Variants in CSMD1 observed in about 807,000 individuals in gnomAD.
CSMD1 encodes the protein CUB and Sushi multiple domains 1.
In CSMD1, 213 loss-of-function variants were observed where a neutral mutation model predicts 417.5. The ratio of observed to expected loss-of-function variants is 0.51; its 90% confidence interval spans 0.46 to 0.57. CSMD1 has a LOEUF of 0.57. Among genes scored for constraint, CSMD1 ranks in the 20% least tolerant of loss-of-function variants. The pLI, the probability that CSMD1 is intolerant of heterozygous loss-of-function variation, is 0.00. For missense variants in CSMD1, 6,923 were observed against 4,529.7 expected (o/e 1.53, Z -15.17); for synonymous variants, 2,862 against 1,736.8 (o/e 1.65, Z -16.11).
intron 7 of CSMD1, among the ~76,000 whole-genome samples, chr8:3,665,550 G>T (rs544286128): frequency 1.3e-5 from 2 of 152,116 alleles, no homozygotes; most frequent in East Asian, 1.9e-4. Flanking sequence ...TATTTGTCAG[G>T]AAAATAATTA....
rs372737131 is a variant in CSMD1 at position 4,114,009 on chromosome 8, C to T, written c.416-81910G>A. Among the ~76,000 whole-genome samples, 26 of 152,298 alleles carry T rather than the reference C, an allele frequency of 1.7e-4. No homozygotes were observed. The East Asian group carries it at 1.9e-3, about 11-fold the overall frequency. The stretch of plus-strand genomic sequence containing the variant: ...AAATGTCAATGTAGAAGCTGCAGCA[C>T]GTTCTCCAGAACATCTAAGATCATT... On this transcript the variant is annotated intron_variant, in intron 3 of 69. Transcript: ENST00000635120.
intron 26 of CSMD1, among the ~76,000 whole-genome samples, chr8:3,270,082 C>T (rs1439150178): frequency 7.7e-6 from 1 of 129,196 alleles, no homozygotes; most frequent in Non-Finnish European, 1.6e-5. Flanking sequence ...TGGAGTCTTG[C>T]TCTGTTGCCC....
chr8:4,559,502 G>A (rs745573134), intron 2 of CSMD1, among the ~76,000 whole-genome samples: 7 of 152,166 alleles, frequency 4.6e-5, no homozygotes, highest in Non-Finnish European at 1.0e-4. Flanking sequence ...CTTTAGAAAG[G>A]TGAGAGACGA....
intron 1 of CSMD1, among the ~76,000 whole-genome samples, chr8:4,865,891 G>T (rs185136734): frequency 1.3e-5 from 2 of 151,784 alleles, no homozygotes; most frequent in East Asian, 3.9e-4. Flanking sequence ...TTAATCATAG[G>T]TTTGAAAGAA....
chr8:4,642,203 G>C (rs775297171), intron 1 of CSMD1, among the ~76,000 whole-genome samples: 10 of 152,218 alleles, frequency 6.6e-5, no homozygotes, highest in Non-Finnish European at 1.3e-4. Context: ...CCATGGAGTT[G>C]ATGGTTGGTT....
intron 3 of CSMD1, among the ~76,000 whole-genome samples, chr8:4,161,835 A>C (rs969533565): frequency 6.6e-6 from 1 of 152,146 alleles, no homozygotes; most frequent in African/African-American, 2.4e-5. Context: ...ATGATATGTC[A>C]CTGCATTTTT....
chr8:3,418,149 G>T (rs537582440), intron 12 of CSMD1, among the ~76,000 whole-genome samples: 3 of 152,306 alleles, frequency 2.0e-5, no homozygotes, highest in South Asian at 4.1e-4. Flanking sequence ...AGAATGAGAT[G>T]ATTCCAAAGG....
At chr8:3,925,132 C>G (rs1217317269) in intron 5 of CSMD1, among the ~76,000 whole-genome samples, 1 of 152,150 alleles carries the variant, frequency 6.6e-6, no homozygotes, top group Non-Finnish European at 1.5e-5. Flanking sequence ...TGAGGCAGAG[C>G]CACCCAGCTA....
At chr8:3,186,554 A>C (rs555436805) in intron 36 of CSMD1, among the ~76,000 whole-genome samples, 21 of 152,318 alleles carry the variant, frequency 1.4e-4, no homozygotes, top group African/African-American at 5.1e-4. Flanking sequence ...AACCATTTGA[A>C]GTGATAAAAT....
At chr8:3,707,759 A>G (rs1430414259) in intron 7 of CSMD1, among the ~76,000 whole-genome samples, 1 of 152,220 alleles carries the variant, frequency 6.6e-6, no homozygotes, top group Non-Finnish European at 1.5e-5. Flanking sequence ...CCCTTCTGGC[A>G]GAGAAGCACC....
chr8:3,533,849 T>C (rs1262662537), intron 10 of CSMD1, among the ~76,000 whole-genome samples: 1 of 152,184 alleles, frequency 6.6e-6, no homozygotes, highest in African/African-American at 2.4e-5. Context: ...CAGTTAGAGA[T>C]CTTAGTCTGT....
intron 5 of CSMD1, among the ~76,000 whole-genome samples, chr8:3,781,558 C>T (rs776427943): frequency 1.8e-4 from 27 of 152,134 alleles, no homozygotes; most frequent in African/African-American, 3.6e-4. Flanking sequence ...CACTGCTACT[C>T]GCTTTTGAAA....
intron 3 of CSMD1, among the ~76,000 whole-genome samples, chr8:4,157,338 G>T (rs181901142): frequency 6.6e-6 from 1 of 152,194 alleles, no homozygotes; most frequent in African/African-American, 2.4e-5. Flanking sequence ...CAGAGCCCAA[G>T]ATATTTACCA....
chr8:4,929,644 T>G (rs1323857598), intron 1 of CSMD1, among the ~76,000 whole-genome samples: 1 of 152,190 alleles, frequency 6.6e-6, no homozygotes, highest in African/African-American at 2.4e-5. Context: ...CTGATTCAAT[T>G]AACTGACACA....
intron 68 of CSMD1, among the ~76,000 whole-genome samples, chr8:2,946,623 T>C (rs1269440734): frequency 1.3e-5 from 2 of 152,230 alleles, no homozygotes; most frequent in Non-Finnish European, 2.9e-5. Flanking sequence ...TATTACATAT[T>C]GTTTATTCAT....
At chr8:4,391,154 G>T (rs555746772) in intron 3 of CSMD1, among the ~76,000 whole-genome samples, 8 of 152,252 alleles carry the variant, frequency 5.3e-5, no homozygotes, top group Admixed American at 4.6e-4. Flanking sequence ...CTGTGCTCAG[G>T]CAAGTATGGC....
intron 5 of CSMD1, among the ~76,000 whole-genome samples, chr8:3,816,255 T>G (rs1801359519): frequency 6.6e-6 from 1 of 152,184 alleles, no homozygotes; most frequent in Non-Finnish European, 1.5e-5. Context: ...TACGGTGCAT[T>G]CATTTTCTCC....
chr8:3,665,678 T>C (rs774201649), intron 7 of CSMD1, among the ~76,000 whole-genome samples: 12 of 152,144 alleles, frequency 7.9e-5, no homozygotes, highest in Non-Finnish European at 1.8e-4. Context: ...AACAGAAAGA[T>C]AAAACTCAGG....
At chr8:4,615,520 G>C (rs1412761229) in intron 2 of CSMD1, among the ~76,000 whole-genome samples, 1 of 152,072 alleles carries the variant, frequency 6.6e-6, no homozygotes, top group Non-Finnish European at 1.5e-5. Flanking sequence ...TTTAAAGTAG[G>C]AAAAATATTG....
Sources: gnomAD v4.1 joint callset for allele counts (sites outside exome capture counted in the v4.1 genomes callset) on GRCh38, gnomAD v4.1.1 for gene constraint, MANE v1.5 for transcripts, NCBI Gene and HGNC (gene_info 2026-07-23, HGNC 2026-07-21) for gene names.